ZNF841: variants seen among roughly 807,000 people sequenced by gnomAD.
ZNF841 encodes TCONS_00006091.
Under a neutral mutation model 13.0 loss-of-function variants are expected in ZNF841, and 11 were observed. That is an observed-to-expected ratio of 0.85 (90% CI 0.53 to 1.40). ZNF841 has a LOEUF of 1.40. Ranked by LOEUF, ZNF841 falls within the 40% of genes most tolerant of loss-of-function variation. The pLI is 0.00. For missense variants in ZNF841, 1,068 were observed against 1,139.5 expected (o/e 0.94, Z 0.90); for synonymous variants, 369 against 381.6 (o/e 0.97, Z 0.38).
chr19:52,072,742 C>T (rs1486177248), intron 6 of ZNF841, among the ~76,000 whole-genome samples: 2 of 152,062 alleles, frequency 1.3e-5, no homozygotes, highest in Non-Finnish European at 2.9e-5. Flanking sequence ...TCGCTTGAAC[C>T]CAGGAAGTGG....
At position 52,064,959 on chromosome 19, in the gene ZNF841, G is replaced by A. The variant is rs1424217800; in HGVS notation, c.*148C>T. ...ACTATCACAAGGACAGCAACAAGGGGATGGTACTAAAACTTTCTTGAGAAA... is the reference window on the plus strand; with the variant it reads ...ACTATCACAAGGACAGCAACAAGGGAATGGTACTAAAACTTTCTTGAGAAA... On this transcript the variant is annotated 3_prime_UTR_variant, in exon 7 of 7. Coordinates refer to ENST00000594440, the MANE Select transcript of ZNF841 (RefSeq NM_001136499.2). 4 of 607,672 alleles carry A rather than the reference G, an allele frequency of 6.6e-6. No homozygotes were observed. The highest frequency in any genetic ancestry group is 5.9e-5 in the East Asian group (2 of 33,730). The allele number at this position is 607,672 out of a possible 1,614,324, so 37.6% of individuals were successfully genotyped here. A position where few individuals can be genotyped will look rare whatever the true frequency, so the allele number is the denominator to read the frequency against.
chr19:52,088,127 A>G (rs2088350034), intron 3 of ZNF841, among the ~76,000 whole-genome samples: 1 of 151,256 alleles, frequency 6.6e-6, no homozygotes, highest in Non-Finnish European at 1.5e-5. Context: ...TGATTCCTGC[A>G]CTCCCAAAAG....
At chr19:52,078,466 G>A (rs535737646) in intron 4 of ZNF841, among the ~76,000 whole-genome samples, 3 of 152,134 alleles carry the variant, frequency 2.0e-5, no homozygotes, top group Admixed American at 6.6e-5. Context: ...TTGGGAGGCC[G>A]AGGTGGGCGG....
chr19:52,092,100 C>T (rs2088515487), intron 2 of ZNF841, among the ~76,000 whole-genome samples: 1 of 151,688 alleles, frequency 6.6e-6, no homozygotes, highest in African/African-American at 2.4e-5. Flanking sequence ...TGAGATTGAG[C>T]CACCACACTC....
intron 6 of ZNF841, among the ~76,000 whole-genome samples, chr19:52,073,338 G>A (rs1315001134): frequency 2.7e-5 from 4 of 149,456 alleles, no homozygotes; most frequent in East Asian, 2.0e-4. Context: ...TTGCTCTGTC[G>A]CCCAGGCTGA....
chr19:52,084,686 G>A (rs1404596967), intron 4 of ZNF841, 101 bp downstream of exon 4: 2 of 1,344,400 alleles, frequency 1.5e-6, no homozygotes, highest in Non-Finnish European at 2.1e-6. Flanking sequence ...GAGCAAATGT[G>A]TCAGGCAGGA....
At chr19:52,059,410 C>G in the ZNF841 span, among the ~76,000 whole-genome samples, 1,200 of 121,150 alleles carry the variant, frequency 9.9e-3, 17 homozygotes, top group African/African-American at 0.034. Flanking sequence ...CACACACACA[C>G]AGAGAAATGA....
chr19:52,060,572 C>A (rs1315654440), downstream of ZNF841, among the ~76,000 whole-genome samples: 3 of 150,864 alleles, frequency 2.0e-5, no homozygotes, highest in South Asian at 2.1e-4. Context: ...TTCAGTCTTT[C>A]AGCGGCCGTT....
Position 52,067,136 on chromosome 19 carries a change from G to A in ZNF841, c.746C>T (p.Thr249Ile), listed in dbSNP as rs2087602061. Residue 249 changes from threonine to isoleucine, a missense_variant, in exon 7 of 7, where the codon ACA becomes ATA. By Grantham distance (89) the Thr-to-Ile change is moderately conservative. Transcript: ENST00000594440. Reference sequence around the variant, plus strand: ...CCTAATATGTGTTTTCTCGTCTTGTGTAGGTAACGAAAGTTGCAAAAAATC... The same window carrying A: ...CCTAATATGTGTTTTCTCGTCTTGTATAGGTAACGAAAGTTGCAAAAAATC... The part of the protein sequence containing the change: ...GNDFLQLSLP[T>I]QDEKTHIREK... 3 of 1,560,228 alleles carry A rather than the reference G, an allele frequency of 1.9e-6. No homozygotes were observed. In the African/African-American group the frequency reaches 4.1e-5, roughly 21 times the overall value.
At position 52,067,613 on chromosome 19, in the gene ZNF841, G is replaced by A; in HGVS notation, c.272-3C>T. ...GATCACACATTTAGGAGAGATACCTGCAAAATATAATGAACATGGGGTTTT... is the reference window on the plus strand; with the variant it reads ...GATCACACATTTAGGAGAGATACCTACAAAATATAATGAACATGGGGTTTT... On this transcript the variant is annotated splice_region_variant and splice_polypyrimidine_tract_variant and intron_variant, in intron 6 of 6. Coordinates refer to ENST00000594440, the MANE Select transcript of ZNF841 (RefSeq NM_001136499.2). The A allele has an allele frequency of 6.8e-7, 1 of 1,477,862 alleles. No homozygotes were observed. The highest frequency in any genetic ancestry group is 1.4e-5 in the African/African-American group (1 of 70,078). The allele number at this position is 1,477,862 out of a possible 1,614,324, so 91.5% of individuals were successfully genotyped here.
chr19:52,072,859 C>G (rs1456455757), intron 6 of ZNF841, among the ~76,000 whole-genome samples: 1 of 152,100 alleles, frequency 6.6e-6, no homozygotes. Flanking sequence ...TACTCTTAAA[C>G]AGCCAATATG....
intron 3 of ZNF841, among the ~76,000 whole-genome samples, chr19:52,087,501 A>G (rs543515622): frequency 6.6e-6 from 1 of 152,198 alleles, no homozygotes; most frequent in African/African-American, 2.4e-5. Context: ...TTTGCTAAGG[A>G]TAATGGCCTC....
rs1374369527 is a variant in ZNF841 at position 52,067,544 on chromosome 19, A to T, written c.338T>A (p.Phe113Tyr). 6.3e-7 allele frequency: 1 copy of T among 1,599,696 alleles called. No individual in the cohort carries two copies. Among genetic ancestry groups the T allele is most frequent in the Admixed American group, 1.8e-5 (1 of 56,780 alleles). Residue 113 changes from phenylalanine to tyrosine, a missense_variant, in exon 7 of 7, where the codon TTC (phenylalanine) becomes TAC (tyrosine). By Grantham distance (22) the Phe-to-Tyr change is conservative. Transcript: ENST00000594440. ...ATGTCCTTCCAACATCACTGCTTGG[A>T]ATTTTTCTCCTGTGTTACTGTTCTG... is the stretch of plus-strand genomic sequence containing the variant. The part of the protein sequence containing the change: ...PIQNSNTGEK[F>Y]QAVMLEGHES...
chr19:52,093,445 T>C (rs1190541950), intron 2 of ZNF841, among the ~76,000 whole-genome samples: 1 of 152,184 alleles, frequency 6.6e-6, no homozygotes, highest in East Asian at 1.9e-4. Context: ...AGAACAGTTG[T>C]TGCCACAGGC....
downstream of ZNF841, among the ~76,000 whole-genome samples, chr19:52,059,647 C>G (rs2087365649): frequency 6.6e-6 from 1 of 151,918 alleles, no homozygotes; most frequent in Non-Finnish European, 1.5e-5. Flanking sequence ...AACCTCATCT[C>G]TACAAAAAAT....
chr19:52,083,766 T>A (rs2088176298), intron 4 of ZNF841, among the ~76,000 whole-genome samples: 1 of 151,266 alleles, frequency 6.6e-6, no homozygotes. Flanking sequence ...GTATAGATAG[T>A]AAAAAACTCA....
chr19:52,067,514 C>T lies in ZNF841; in HGVS notation c.368G>A (p.Ser123Asn), dbSNP rs550291522. ...FQAVMLEGHE[S>N]YDTENFYFRE... Reference sequence around the variant, plus strand: ...GAAGTAAAAATTTTCAGTGTCATAGCTTTCATGTCCTTCCAACATCACTGC... The same window carrying T: ...GAAGTAAAAATTTTCAGTGTCATAGTTTTCATGTCCTTCCAACATCACTGC... The change falls in exon 7 of 7, where the codon AGC (serine) becomes AAC (asparagine). Residue 123 changes from serine (S) to asparagine (N), a missense_variant. Ser to Asn is a conservative substitution (Grantham distance 46). Coordinates refer to ENST00000594440, the MANE Select transcript of ZNF841 (RefSeq NM_001136499.2). 8.5e-5 allele frequency: 135 copies of T among 1,596,136 alleles called. No individual in the cohort carries two copies. The African/African-American group carries it at 1.0e-3, about 12-fold the overall frequency.
intron 4 of ZNF841, among the ~76,000 whole-genome samples, chr19:52,081,294 ATAC>A (rs1373608508): frequency 1.3e-5 from 2 of 152,236 alleles, no homozygotes; most frequent in Non-Finnish European, 2.9e-5. Context: ...AAAAAGGACC[ATAC>A]GTGTTCAACA....
At position 52,074,800 on chromosome 19, in the gene ZNF841, G is replaced by A. The variant is rs1019743059; in HGVS notation, c.271+1244C>T. 2.0e-5 allele frequency among the ~76,000 whole-genome samples: 3 copies of A among 152,268 alleles called. No individual in the cohort carries two copies. The East Asian group carries it at 5.8e-4, about 29-fold the overall frequency. ...CCAAAGTGCTGGGATTACAGGCGTTGAGCCACCGTGCCCGGCATGGGAGAA... is the reference window on the plus strand; with the variant it reads ...CCAAAGTGCTGGGATTACAGGCGTTAAGCCACCGTGCCCGGCATGGGAGAA... On this transcript the variant is annotated intron_variant, in intron 6 of 6. Transcript: ENST00000594440.
Sources: gnomAD v4.1 joint callset for allele counts (sites outside exome capture counted in the v4.1 genomes callset) on GRCh38, gnomAD v4.1.1 for gene constraint, MANE v1.5 for transcripts, NCBI Gene and HGNC (gene_info 2026-07-23, HGNC 2026-07-21) for gene names.